Variants in PHEX observed in about 807,000 individuals in gnomAD.
PHEX encodes phosphate regulating endopeptidase X-linked, also known as phosphate-regulating neutral endopeptidase PHEX.
In PHEX, 16 loss-of-function variants were observed where a neutral mutation model predicts 68.0. The ratio of observed to expected loss-of-function variants is 0.24; its 90% CI spans 0.16 to 0.36. PHEX has a LOEUF of 0.36. Among genes scored for constraint, PHEX ranks in the 10% least tolerant of loss-of-function variants. PHEX has a pLI of 1.00. For missense variants in PHEX, 480 were observed against 575.5 expected (o/e 0.83, Z 1.70); for synonymous variants, 208 against 205.1 (o/e 1.01, Z -0.12).
intron 12 of PHEX, among the ~76,000 whole-genome samples, chrX:22,149,686 G>A (rs904460823): frequency 2.1e-4 from 24 of 112,688 alleles, no homozygotes; most frequent in African/African-American, 6.7e-4. Flanking sequence ...CCTGGGAGGC[G>A]GAGGTTGCAG....
At chrX:22,047,257 A>C in intron 3 of PHEX, 46 bp downstream of exon 3, 1 of 1,049,661 alleles carries the variant, frequency 9.5e-7, no homozygotes, top group Non-Finnish European at 1.3e-6. Context: ...AGAGAGCAAT[A>C]TTTGACAGGA....
At chrX:22,229,780 A>T (rs1252078855) in intron 20 of PHEX, among the ~76,000 whole-genome samples, 1 of 111,911 alleles carries the variant, frequency 8.9e-6, no homozygotes, top group Non-Finnish European at 1.9e-5. Context: ...TTTTGTTGCC[A>T]TTGCTTTTGG....
chrX:22,230,537 C>A (rs1312830380), intron 20 of PHEX, among the ~76,000 whole-genome samples: 1 of 109,493 alleles, frequency 9.1e-6, no homozygotes, highest in African/African-American at 3.3e-5. Context: ...CTCTTAGTGG[C>A]AATTGTGAAT....
Position 22,248,000 on chromosome X carries a change from C to A in PHEX, c.*47C>A. The A allele has an allele frequency of 2.2e-6, 2 of 918,147 alleles. No homozygotes were observed. Among genetic ancestry groups the A allele is most frequent in the Non-Finnish European group, 3.2e-6 (2 of 627,814 alleles). 75.7% of individuals were successfully genotyped at this position (918,147 alleles called of 1,213,427 possible). On this transcript the variant is annotated 3_prime_UTR_variant, in exon 22 of 22. Transcript: ENST00000379374. Reference sequence around the variant, plus strand: ...TCCTGAGACAGTTGCACAGTGCCAGCGGAGGCTGCACTGAGCCTTCATCGC... The same window carrying A: ...TCCTGAGACAGTTGCACAGTGCCAGAGGAGGCTGCACTGAGCCTTCATCGC...
chrX:22,141,191 T>C (rs951282095), intron 12 of PHEX, among the ~76,000 whole-genome samples: 1 of 111,635 alleles, frequency 9.0e-6, no homozygotes, highest in Non-Finnish European at 1.9e-5. Flanking sequence ...GCCCTAGGCA[T>C]CTGTACTTTA....
intron 3 of PHEX, among the ~76,000 whole-genome samples, chrX:22,049,144 T>C (rs975354574): frequency 1.8e-5 from 2 of 112,012 alleles, no homozygotes; most frequent in Non-Finnish European, 3.8e-5. Context: ...TCTTTCCTCT[T>C]GTCACCCAGG....
chrX:22,066,174 A>G (rs996756666), intron 3 of PHEX, among the ~76,000 whole-genome samples: 1 of 111,812 alleles, frequency 8.9e-6, no homozygotes, highest in Non-Finnish European at 1.9e-5. Flanking sequence ...TGTAAATGTC[A>G]TGTTGAGGGA....
chrX:22,088,378 C>A (rs948008951), intron 5 of PHEX, among the ~76,000 whole-genome samples: 2 of 111,395 alleles, frequency 1.8e-5, no homozygotes, highest in Middle Eastern at 4.2e-3. Context: ...TTATAAGAAA[C>A]TGTAAAATTG....
chrX:22,210,583 G>GTA (rs1157657627), intron 15 of PHEX, among the ~76,000 whole-genome samples: 2 of 111,488 alleles, frequency 1.8e-5, no homozygotes, highest in African/African-American at 3.3e-5. Flanking sequence ...ATTTGCATAT[G>GTA]TATATATATC....
chrX:22,067,856 G>A (rs1928679171), intron 3 of PHEX, among the ~76,000 whole-genome samples: 1 of 108,129 alleles, frequency 9.2e-6, no homozygotes, highest in African/African-American at 3.4e-5. Flanking sequence ...TTTTGAGACG[G>A]AGTTTCACTC....
At chrX:22,204,004 T>C (rs1934635499) in intron 15 of PHEX, among the ~76,000 whole-genome samples, 1 of 111,483 alleles carries the variant, frequency 9.0e-6, no homozygotes, top group African/African-American at 3.3e-5. Flanking sequence ...ATCCCAGAGA[T>C]GGTGACTTAA....
At chrX:22,110,241 A>G (rs756301432) in intron 9 of PHEX, among the ~76,000 whole-genome samples, 5 of 112,242 alleles carry the variant, frequency 4.5e-5, no homozygotes, top group Non-Finnish European at 9.4e-5. Flanking sequence ...ATTGATGTAA[A>G]CAAGAGTTAA....
intron 13 of PHEX, chrX:22,169,802 T>C (rs1170206311): frequency 8.9e-6 from 1 of 112,752 alleles, no homozygotes. Flanking sequence ...ACTAGTTATT[T>C]CATCCTGTGT....
At chrX:22,245,239 A>C in intron 20 of PHEX, 94 bp from the exon 21 acceptor site, 1 of 671,976 alleles carries the variant, frequency 1.5e-6, no homozygotes, top group South Asian at 2.1e-5. Flanking sequence ...ATTGGTTCTA[A>C]AATTGTTCCT....
chrX:22,032,486 G>A lies in PHEX; in HGVS notation c.-520G>A. The A allele has an allele frequency of 8.2e-6, 1 of 121,464 alleles. No homozygotes were observed. Among genetic ancestry groups the A allele is most frequent in the Admixed American group, 8.2e-5 (1 of 12,182 alleles). The allele number at this position is 121,464 out of a possible 1,213,427, so 10.0% of individuals were successfully genotyped here. A position where few individuals can be genotyped will look rare whatever the true frequency, so the allele number is the denominator to read the frequency against. On this transcript the variant is annotated 5_prime_UTR_variant, in exon 1 of 22. Transcript: ENST00000379374. ...GAATATCTTTGATGAAGACAATTCAGGCAAGCAGAATGATTCTTGCAACAG... is the reference window on the plus strand; with the variant it reads ...GAATATCTTTGATGAAGACAATTCAAGCAAGCAGAATGATTCTTGCAACAG...
chrX:22,232,596 CTTTTTTTTTTTTTTTTTTTTT>C (rs745474280), intron 20 of PHEX, among the ~76,000 whole-genome samples: 978 of 18,595 alleles, frequency 0.053, 50 homozygotes, highest in African/African-American at 0.17. Context: ...GCCACTTCTG[CTTTTTTTTTTTTTTTTTTTTT>C]TTTTTTTTTG....
At chrX:22,184,419 C>T (rs1344276301) in intron 14 of PHEX, among the ~76,000 whole-genome samples, 1 of 111,147 alleles carries the variant, frequency 9.0e-6, no homozygotes, top group Non-Finnish European at 1.9e-5. Flanking sequence ...TGAACAGCAT[C>T]ATGATTATAT....
At chrX:22,182,884 A>G (rs1933922619) in intron 14 of PHEX, among the ~76,000 whole-genome samples, 1 of 111,953 alleles carries the variant, frequency 8.9e-6, no homozygotes, top group Non-Finnish European at 1.9e-5. Context: ...TGCCTGCTCT[A>G]CTTAATGCCA....
intron 11 of PHEX, among the ~76,000 whole-genome samples, chrX:22,121,747 A>C (rs1369826916): frequency 8.9e-6 from 1 of 112,225 alleles, no homozygotes; most frequent in Non-Finnish European, 1.9e-5. Context: ...TCTAGCAGCT[A>C]TTCTATTTCT....
Sources: gnomAD v4.1 joint callset for allele counts (sites outside exome capture counted in the v4.1 genomes callset) on GRCh38, gnomAD v4.1.1 for gene constraint, MANE v1.5 for transcripts, NCBI Gene and HGNC (gene_info 2026-07-23, HGNC 2026-07-21) for gene names.